The following SPACA3 variants were observed in gnomAD, a reference collection of about 807,000 sequenced individuals.
SPACA3 encodes the protein sperm acrosome associated 3, also known as sperm acrosome membrane-associated protein 3.
SPACA3 carries 21 observed loss-of-function variants against 24.5 expected under a neutral mutation model. The observed-to-expected ratio is 0.86, with a 90% CI of 0.61 to 1.24. The LOEUF is 1.24. Ranked by LOEUF, SPACA3 falls within the 50% of genes most tolerant of loss-of-function variation. The probability of loss-of-function intolerance (pLI) is 0.00; values close to 1 mark genes in which losing one functional copy is unlikely to be tolerated. For missense variants in SPACA3, 278 were observed against 275.5 expected (o/e 1.01, Z -0.06); for synonymous variants, 115 against 106.9 (o/e 1.08, Z -0.47).
At chr17:32,992,019 G>T (rs1692678358) in intron 1 of SPACA3, 47 bp downstream of exon 1, 1 of 1,605,822 alleles carries the variant, frequency 6.2e-7, no homozygotes. Flanking sequence ...AGGGGCGCTG[G>T]GTTGGTCTGG....
intron 2 of SPACA3, 154 bp from the exon 3 acceptor site, chr17:32,996,689 T>C (rs2091723994): frequency 1.5e-6 from 1 of 673,862 alleles, no homozygotes; most frequent in Non-Finnish European, 2.0e-6. Flanking sequence ...CCTCGATTGA[T>C]TGGTTTGCAA....
chr17:32,993,346 C>G (rs548113763), intron 1 of SPACA3, among the ~76,000 whole-genome samples: 4 of 152,222 alleles, frequency 2.6e-5, no homozygotes, highest in African/African-American at 7.2e-5. Context: ...TGGCTAACAG[C>G]AGGGCTGCCC....
In SPACA3 at chr17:32,995,620, A is replaced by G; in HGVS notation, c.246A>G (p.Leu82=). 4 of 1,614,124 alleles carry G rather than the reference A, an allele frequency of 2.5e-6. No individual in the cohort carries two copies. Among genetic ancestry groups the G allele is most frequent in the Middle Eastern group, 1.6e-4 (1 of 6,062 alleles). The change falls in exon 2 of 5, where the codon CTA becomes CTG. Residue 82 remains leucine, a synonymous_variant. Coordinates refer to ENST00000269053, the MANE Select transcript of SPACA3 (RefSeq NM_173847.5). ...TGGTCTGTCTGCTCAGCTGCCTGCTACCCTCCAGTGAGGCCAAGCTCTACG... is the reference window on the plus strand; with the variant it reads ...TGGTCTGTCTGCTCAGCTGCCTGCTGCCCTCCAGTGAGGCCAAGCTCTACG... The part of the protein sequence containing the change: ...LALVCLLSCL[L]PSSEAKLYGR...
chr17:32,993,017 G>A (rs1206791992), intron 1 of SPACA3: 1 of 463,734 alleles, frequency 2.2e-6, no homozygotes, highest in Admixed American at 2.4e-5. Context: ...TGTGAACCTA[G>A]GAAAGGACGG....
At chr17:32,992,837 G>C (rs776131501) in intron 1 of SPACA3, 2 of 467,690 alleles carry the variant, frequency 4.3e-6, no homozygotes, top group African/African-American at 2.0e-5. Flanking sequence ...GTGAAGGGTC[G>C]TGAAGGGCCG....
chr17:32,993,212 A>G (rs2091701571), intron 1 of SPACA3, among the ~76,000 whole-genome samples: 1 of 152,200 alleles, frequency 6.6e-6, no homozygotes, highest in Admixed American at 6.5e-5. Context: ...TGATGGAAAC[A>G]GTGGTTCTGT....
At chr17:32,997,547 C>T (rs774752406) in intron 4 of SPACA3, 24 bp downstream of exon 4, 10 of 1,604,868 alleles carry the variant, frequency 6.2e-6, no homozygotes, top group South Asian at 5.5e-5. Context: ...GCTGGAGCCC[C>T]GCAGCGGTGG....
At chr17:32,996,514 G>A (rs1002991542) in intron 2 of SPACA3, among the ~76,000 whole-genome samples, 28 of 149,716 alleles carry the variant, frequency 1.9e-4, no homozygotes, top group African/African-American at 6.7e-4. Context: ...AAAAGATTTA[G>A]CACTTGTAGA....
At chr17:32,996,496 A>G (rs1451656579) in intron 2 of SPACA3, among the ~76,000 whole-genome samples, 2 of 151,986 alleles carry the variant, frequency 1.3e-5, no homozygotes, top group Non-Finnish European at 2.9e-5. Context: ...CTCAAAAAAA[A>G]AAAAAAAAAA....
Position 32,992,130 on chromosome 17 carries a change from A to G in SPACA3, c.34+158A>G, listed in dbSNP as rs575385179. On this transcript the variant is annotated intron_variant, in intron 1 of 4. Transcript: ENST00000269053. ...AGAGGAGAGAGAGAGAGAGAGAGAA[A>G]CTCTGGAGCTGTTGTGAAATGCTCA... Among the ~76,000 whole-genome samples, 6 of 145,492 alleles carry G rather than the reference A, an allele frequency of 4.1e-5. No homozygotes were observed. In the Admixed American group the frequency reaches 4.3e-4, roughly 10 times the overall value.
chr17:32,994,413 G>C lies in SPACA3; in HGVS notation c.35-996G>C, dbSNP rs16967838. ...AGGAGCAGAGGGGGGCTTCCAACCC[G>C]AACCTTGCTGCAAAGCCATGACCTC... On this transcript the variant is annotated intron_variant, in intron 1 of 4. Transcript: ENST00000269053. Among the ~76,000 whole-genome samples the C allele has an allele frequency of 2.6e-5, 4 of 152,272 alleles. No homozygotes were observed. The South Asian group carries it at 8.3e-4, about 32-fold the overall frequency.
Position 32,995,554 on chromosome 17 carries a change from C to G in SPACA3, c.180C>G (p.Leu60=). ...GCATAGAAGCCAGGAGCAGGGCTCT[C>G]AGAAGGCGGTGGTGCCCAGCTGGGA... The part of the protein sequence containing the change: ...AAGIEARSRA[L]RRRWCPAGIM... The change falls in exon 2 of 5, where the codon CTC becomes CTG. Residue 60 remains leucine, a synonymous_variant. Transcript: ENST00000269053. 2 of 1,614,252 alleles carry G rather than the reference C, an allele frequency of 1.2e-6. No individual in the cohort carries two copies. The highest frequency in any genetic ancestry group is 1.7e-6 in the Non-Finnish European group (2 of 1,180,050).
chr17:32,992,874 T>A (rs1486254659), intron 1 of SPACA3: 2 of 470,670 alleles, frequency 4.2e-6, no homozygotes, highest in Non-Finnish European at 8.8e-6. Flanking sequence ...GCAGTTATGG[T>A]GGGAGCCATC....
rs185634168 is a variant in SPACA3, at chr17:32,995,107, C to T, written c.35-302C>T. ...CATGAACACACCGCCTGGCCATCCC[C>T]TCCGGGAGCATCTGCTCAGTGGGGC... is the stretch of plus-strand genomic sequence containing the variant. On this transcript the variant is annotated intron_variant, in intron 1 of 4. Transcript: ENST00000269053. Among the ~76,000 whole-genome samples the T allele has an allele frequency of 7.9e-5, 12 of 152,360 alleles. No homozygotes were observed. In the East Asian group the frequency reaches 1.4e-3, roughly 17 times the overall value.
In SPACA3 at chr17:32,991,946, C is replaced by T. The variant is rs564268350; in HGVS notation, c.8C>T (p.Ser3Leu). 1.2e-6 allele frequency: 2 copies of T among 1,614,008 alleles called. No homozygotes were observed. The highest frequency in any genetic ancestry group is 1.7e-6 in the Non-Finnish European group (2 of 1,179,976). MV[S>L]ALRGAPLIRV... is the part of the protein sequence containing the mutation. ...GCTGCTGCCATTGTCACCATGGTCT[C>T]AGCTCTGCGGGGAGCACCCCTGATC... Residue 3 changes from serine (S) to leucine (L), a missense_variant, in exon 1 of 5, where the codon TCA (serine) becomes TTA (leucine). Ser to Leu is a moderately radical substitution (Grantham distance 145). Coordinates refer to ENST00000269053, the MANE Select transcript of SPACA3 (RefSeq NM_173847.5).
At chr17:32,997,281 G>A (rs1240591670) in intron 3 of SPACA3, among the ~76,000 whole-genome samples, 164 bp from the exon 4 acceptor site, 1 of 151,908 alleles carries the variant, frequency 6.6e-6, no homozygotes, top group Non-Finnish European at 1.5e-5. Context: ...CTTCCGGAGT[G>A]GTTGAGACAG....
intron 3 of SPACA3, 26 bp from the exon 4 acceptor site, chr17:32,997,419 T>C (rs1567712494): frequency 1.3e-6 from 2 of 1,584,162 alleles, no homozygotes; most frequent in Non-Finnish European, 8.6e-7. Context: ...TGTTCTCTCA[T>C]TGTGTTTCTC....
At chr17:32,992,816 AG>A in intron 1 of SPACA3, 1 of 455,196 alleles carries the variant, frequency 2.2e-6, no homozygotes, top group Non-Finnish European at 4.5e-6. Context: ...AGTGGGCCGC[AG>A]GGCTGGGCTG....
In SPACA3 at chr17:32,996,849, G is replaced by T. The variant is rs770942589; in HGVS notation, c.350G>T (p.Cys117Phe). The T allele has an allele frequency of 1.9e-6, 3 of 1,594,192 alleles. No homozygotes were observed. In the East Asian group the frequency reaches 6.8e-5, roughly 36 times the overall value. The change falls in exon 3 of 5, where the codon TGC becomes TTC. Residue 117 changes from cysteine to phenylalanine, a missense_variant. Coordinates refer to ENST00000269053, the MANE Select transcript of SPACA3 (RefSeq NM_173847.5). ...TATGCTCTGCCCTATGCAGGGGTCT[G>T]CCTTGCTTATTTCACAAGCGGTTTC... ...YRGYSLADWV[C>F]LAYFTSGFNA...
Sources: gnomAD v4.1 joint callset for allele counts (sites outside exome capture counted in the v4.1 genomes callset) on GRCh38, gnomAD v4.1.1 for gene constraint, MANE v1.5 for transcripts, NCBI Gene and HGNC (gene_info 2026-07-23, HGNC 2026-07-21) for gene names.